The following LRCH2 variants were observed in gnomAD, a reference collection of about 807,000 sequenced individuals.
The protein encoded by LRCH2 is leucine rich repeats and calponin homology domain containing 2.
A neutral mutation model predicts 68.9 loss-of-function variants in LRCH2; 38 were observed. The ratio of observed to expected loss-of-function variants is 0.55; its 90% CI spans 0.43 to 0.72. The LOEUF (loss-of-function observed/expected upper bound fraction) is 0.72. LRCH2 is among the 30% of genes least tolerant of loss of function. The pLI is 0.00. For synonymous variants in LRCH2, 191 were observed against 208.1 expected, an observed-to-expected ratio of 0.92 and a Z score of 0.71; for missense variants, 528 against 572.9, an observed-to-expected ratio of 0.92 and a Z score of 0.80.
At chrX:115,189,842 C>G in intron 1 of LRCH2, 1 of 1,166,989 alleles carries the variant, frequency 8.6e-7, no homozygotes, top group Non-Finnish European at 1.1e-6. Flanking sequence ...CGCGGCTACG[C>G]GGGGTATTTC....
intron 20 of LRCH2, among the ~76,000 whole-genome samples, chrX:115,114,662 C>A (rs1318307059): frequency 9.0e-6 from 1 of 110,596 alleles, no homozygotes; most frequent in Non-Finnish European, 1.9e-5. Context: ...AGGGAAGTGA[C>A]ACCACAAGAT....
At chrX:115,114,555 GTTA>G (rs2072067264) in intron 20 of LRCH2, among the ~76,000 whole-genome samples, 1 of 110,659 alleles carries the variant, frequency 9.0e-6, no homozygotes, top group African/African-American at 3.3e-5. Context: ...GCAACCCAAA[GTTA>G]GTTCATTTAG....
chrX:115,126,096 G>C (rs782447489), intron 16 of LRCH2, among the ~76,000 whole-genome samples: 2 of 111,316 alleles, frequency 1.8e-5, no homozygotes, highest in South Asian at 7.6e-4. Context: ...GCAAAGTGTT[G>C]AATTCATCAA....
intron 1 of LRCH2, among the ~76,000 whole-genome samples, chrX:115,203,776 G>A (rs782660703): frequency 8.9e-6 from 1 of 112,469 alleles, no homozygotes; most frequent in East Asian, 2.8e-4. Flanking sequence ...TATAGCCCCC[G>A]TCGCTGGTTT....
At chrX:115,180,666 A>G (rs1556552186) in intron 3 of LRCH2, among the ~76,000 whole-genome samples, 1 of 111,843 alleles carries the variant, frequency 8.9e-6, no homozygotes, top group Non-Finnish European at 1.9e-5. Context: ...GGAGGAGAAT[A>G]GTACATACAT....
At chrX:115,205,722 A>G (rs898918399) in intron 1 of LRCH2, among the ~76,000 whole-genome samples, 1 of 111,556 alleles carries the variant, frequency 9.0e-6, no homozygotes, top group African/African-American at 3.3e-5. Flanking sequence ...GTGAATCACA[A>G]GGTCAAGAAA....
chrX:115,155,780 T>C (rs925254346), intron 12 of LRCH2, among the ~76,000 whole-genome samples: 2 of 111,613 alleles, frequency 1.8e-5, no homozygotes, highest in Non-Finnish European at 3.8e-5. Context: ...GCTAAATAAC[T>C]TCCCCAAGAG....
In LRCH2 at chrX:115,190,045, C is replaced by A. The variant is rs918893623; in HGVS notation, c.350-1675G>T. 4.0e-5 allele frequency: 46 copies of A among 1,156,629 alleles called. No individual in the cohort carries two copies. The African/African-American group carries it at 6.8e-4, about 17-fold the overall frequency. On this transcript the variant is annotated intron_variant, in intron 1 of 20. Transcript: ENST00000317135. ...CTTGCAGCCACGGCGCTGGGCCGGC[C>A]CACCCCACAAGAGGGCTGTGCCCCG...
intron 1 of LRCH2, chrX:115,191,932 G>A (rs953754605): frequency 1.0e-5 from 12 of 1,164,344 alleles, no homozygotes; most frequent in African/African-American, 7.3e-5. Context: ...TGCCAACAGC[G>A]GAGGCCACTC....
At chrX:115,212,963 C>T (rs1467230094) in intron 1 of LRCH2, among the ~76,000 whole-genome samples, 2 of 105,979 alleles carry the variant, frequency 1.9e-5, no homozygotes, top group African/African-American at 7.1e-5. Flanking sequence ...AGAGCAAGAC[C>T]TTGTCTCATA....
intron 1 of LRCH2, among the ~76,000 whole-genome samples, chrX:115,202,733 T>C (rs2072938841): frequency 8.9e-6 from 1 of 111,981 alleles, no homozygotes; most frequent in African/African-American, 3.2e-5. Flanking sequence ...CATCTTTCAA[T>C]AGGTTAATGG....
At position 115,179,466 on chromosome X, in the gene LRCH2, T is replaced by C; in HGVS notation, c.825A>G (p.Ile275Met). Residue 275 changes from isoleucine to methionine, a missense_variant, in exon 5 of 21, where the codon ATA becomes ATG. Transcript: ENST00000317135. ...CYRKLHHLQV[I>M]ILDNNPLQVP... ...CTTGCAATGGATTGTTATCCAAAAT[T>C]ATTACTTGTAAATGATGCAGCTTTC... The C allele has an allele frequency of 8.7e-7, 1 of 1,146,721 alleles. No individual in the cohort carries two copies. The highest frequency in any genetic ancestry group is 1.2e-6 in the Non-Finnish European group (1 of 863,695). 94.5% of individuals were successfully genotyped at this position (1,146,721 alleles called of 1,213,427 possible).
At chrX:115,119,911 A>C (rs76840776) in intron 20 of LRCH2, among the ~76,000 whole-genome samples, 2 of 111,095 alleles carry the variant, frequency 1.8e-5, no homozygotes, top group East Asian at 5.7e-4. Flanking sequence ...GAAAAACAAG[A>C]AATGGGGAAA....
At chrX:115,219,950 G>A (rs1203663025) in intron 1 of LRCH2, among the ~76,000 whole-genome samples, 2 of 111,467 alleles carry the variant, frequency 1.8e-5, no homozygotes, top group African/African-American at 6.5e-5. Context: ...CCATGGCAGA[G>A]GCATTGTCCT....
At chrX:115,203,031 G>T (rs782680055) in intron 1 of LRCH2, among the ~76,000 whole-genome samples, 4 of 111,902 alleles carry the variant, frequency 3.6e-5, no homozygotes, top group Non-Finnish European at 3.8e-5. Flanking sequence ...CAGAAACTGA[G>T]TAATTTATAA....
At chrX:115,210,615 G>A (rs192799375) in intron 1 of LRCH2, among the ~76,000 whole-genome samples, 197 of 111,530 alleles carry the variant, frequency 1.8e-3, no homozygotes, top group Non-Finnish European at 2.7e-3. Context: ...ACTGGGGCAC[G>A]GCCTAGTGGA....
At chrX:115,121,637 C>T (rs781821850) in intron 20 of LRCH2, among the ~76,000 whole-genome samples, 4 of 112,087 alleles carry the variant, frequency 3.6e-5, no homozygotes, top group South Asian at 7.4e-4. Context: ...TGGGCGACAG[C>T]GTGAGACTCT....
chrX:115,170,332 C>T lies in LRCH2; in HGVS notation c.965G>A (p.Ser322Asn). 1 of 1,181,401 alleles carries T rather than the reference C, an allele frequency of 8.5e-7. No homozygotes were observed. Among genetic ancestry groups the T allele is most frequent in the Non-Finnish European group, 1.1e-6 (1 of 880,266 alleles). The part of the protein sequence containing the change: ...KPDSLDLPSL[S>N]KRMPSQPLTD... ...GAGAGGCTGTGAGGGCATTCGTTTA[C>T]TCAATGATGGAAGATCCAGGGAATC... The change falls in exon 6 of 21, where the codon AGT (serine) becomes AAT (asparagine). Residue 322 changes from serine to asparagine, a missense_variant. Transcript: ENST00000317135.
intron 1 of LRCH2, among the ~76,000 whole-genome samples, chrX:115,199,579 G>A (rs1556565337): frequency 9.0e-6 from 1 of 111,610 alleles, no homozygotes; most frequent in Non-Finnish European, 1.9e-5. Context: ...GTAATAAAGG[G>A]ATCAATCTGG....
Sources: gnomAD v4.1 joint callset for allele counts (sites outside exome capture counted in the v4.1 genomes callset) on GRCh38, gnomAD v4.1.1 for gene constraint, MANE v1.5 for transcripts, NCBI Gene and HGNC (gene_info 2026-07-23, HGNC 2026-07-21) for gene names.